Variants in MECOM observed in about 807,000 individuals in gnomAD.
MECOM encodes MDS1 and EVI1 complex locus.
MECOM carries 13 observed loss-of-function variants against 116.3 expected under a neutral mutation model. That is an observed-to-expected ratio of 0.11 (90% CI 0.07 to 0.18). The LOEUF is 0.18. Ranked by LOEUF, MECOM falls within the 10% of genes least tolerant of loss-of-function variation. The pLI, the probability that MECOM is intolerant of heterozygous loss-of-function variation, is 1.00. For missense variants in MECOM, 1,299 were observed against 1,509.0 expected (o/e 0.86, Z 2.31); for synonymous variants, 528 against 535.2 (o/e 0.99, Z 0.19).
At chr3:169,192,519 A>G (rs1011686141) in intron 2 of MECOM, among the ~76,000 whole-genome samples, 9 of 152,174 alleles carry the variant, frequency 5.9e-5, no homozygotes, top group African/African-American at 2.2e-4. Context: ...AGCCTAGTAG[A>G]AAGTATTACT....
At chr3:169,574,145 C>T (rs1348308707) in intron 1 of MECOM, among the ~76,000 whole-genome samples, 1 of 151,994 alleles carries the variant, frequency 6.6e-6, no homozygotes, top group Admixed American at 6.6e-5. Flanking sequence ...ACCTGAAAAG[C>T]CTTGGGGACA....
chr3:169,378,533 A>T (rs1731767896), intron 2 of MECOM, among the ~76,000 whole-genome samples: 1 of 96,058 alleles, frequency 1.0e-5, no homozygotes, highest in Non-Finnish European at 2.1e-5. Flanking sequence ...AAAGAAAGAA[A>T]GAAAGAAAGA....
chr3:169,231,182 T>A (rs1185218634), intron 2 of MECOM, among the ~76,000 whole-genome samples: 1 of 152,176 alleles, frequency 6.6e-6, no homozygotes, highest in Non-Finnish European at 1.5e-5. Context: ...GTCTATTGAA[T>A]AAAATTGGAA....
chr3:169,197,933 C>A (rs1454959474), intron 2 of MECOM, among the ~76,000 whole-genome samples: 1 of 151,920 alleles, frequency 6.6e-6, no homozygotes, highest in African/African-American at 2.4e-5. Flanking sequence ...TAATTGGAGG[C>A]AGAGGTAAAG....
chr3:169,229,627 C>T (rs1377408931), intron 2 of MECOM, among the ~76,000 whole-genome samples: 2 of 151,992 alleles, frequency 1.3e-5, no homozygotes, highest in Non-Finnish European at 2.9e-5. Context: ...TGGCCCTGGT[C>T]CCCTCCTGCA....
At chr3:169,143,673 A>G in intron 3 of MECOM, 25 bp downstream of exon 3, 3 of 1,547,894 alleles carry the variant, frequency 1.9e-6, no homozygotes, top group Non-Finnish European at 2.6e-6. Flanking sequence ...TCTCAAGGAA[A>G]GACAAGAAAA....
chr3:169,160,127 T>C (rs980204872), intron 2 of MECOM, among the ~76,000 whole-genome samples: 11 of 152,138 alleles, frequency 7.2e-5, no homozygotes, highest in African/African-American at 2.7e-4. Flanking sequence ...TATTTTCTGG[T>C]CACTCAGGCA....
intron 1 of MECOM, among the ~76,000 whole-genome samples, chr3:169,600,262 G>A (rs895054348): frequency 9.9e-5 from 15 of 152,042 alleles, no homozygotes; most frequent in East Asian, 3.9e-4. Context: ...ATGAGCCACC[G>A]TGCCCAGCCA....
chr3:169,192,808 C>T (rs1203154073), intron 2 of MECOM, among the ~76,000 whole-genome samples: 1 of 152,014 alleles, frequency 6.6e-6, no homozygotes, highest in Non-Finnish European at 1.5e-5. Context: ...TTATTGTTAC[C>T]TACATAGTTA....
In MECOM at chr3:169,544,266, T is replaced by C. The variant is rs571704539; in HGVS notation, c.37+119070A>G. On this transcript the variant is annotated intron_variant, in intron 1 of 16. Coordinates refer to ENST00000651503, the MANE Select transcript of MECOM (RefSeq NM_004991.4). The stretch of plus-strand genomic sequence containing the variant: ...TGAGTAAAGCAGTGCCTGGCACATA[T>C]GCACCCAATAAATGTTAGCTGCCAT... Among the ~76,000 whole-genome samples, 8 of 152,240 alleles carry C rather than the reference T, an allele frequency of 5.3e-5. No individual in the cohort carries two copies. The East Asian group carries it at 7.7e-4, about 15-fold the overall frequency.
intron 1 of MECOM, among the ~76,000 whole-genome samples, chr3:169,565,427 G>C (rs1233372321): frequency 6.6e-6 from 1 of 152,132 alleles, no homozygotes. Context: ...CTCACTCACT[G>C]TCTTCTCACC....
chr3:169,301,092 C>T (rs1403081755), intron 2 of MECOM, among the ~76,000 whole-genome samples: 1 of 152,130 alleles, frequency 6.6e-6, no homozygotes, highest in Non-Finnish European at 1.5e-5. Context: ...TGTTAGTTGG[C>T]TAATGTGGAA....
intron 2 of MECOM, among the ~76,000 whole-genome samples, chr3:169,364,807 A>G (rs1161360334): frequency 2.0e-5 from 3 of 151,912 alleles, no homozygotes; most frequent in Non-Finnish European, 2.9e-5. Context: ...TCTTACTTAC[A>G]TTTACCAAAT....
In MECOM at chr3:169,221,738, T is replaced by A. The variant is rs957467226; in HGVS notation, c.376-77906A>T. Reference sequence around the variant, plus strand: ...AAGAACTGGTAAAATAGAAAAAAAATCACTTAAATTGCTTGCATTCATTTA... The same window carrying A: ...AAGAACTGGTAAAATAGAAAAAAAAACACTTAAATTGCTTGCATTCATTTA... On this transcript the variant is annotated intron_variant, in intron 2 of 16. Coordinates refer to ENST00000651503, the MANE Select transcript of MECOM (RefSeq NM_004991.4). Among the ~76,000 whole-genome samples, 5 of 152,100 alleles carry A rather than the reference T, an allele frequency of 3.3e-5. No individual in the cohort carries two copies. In the East Asian group the frequency reaches 9.7e-4, roughly 29 times the overall value.
intron 2 of MECOM, among the ~76,000 whole-genome samples, chr3:169,356,125 A>G (rs1352089012): frequency 6.6e-6 from 1 of 151,858 alleles, no homozygotes; most frequent in African/African-American, 2.4e-5. Context: ...AAATGAAGAA[A>G]ATTCACTCCT....
chr3:169,381,383 T>G lies in MECOM; in HGVS notation c.179A>C (p.Glu60Ala), dbSNP rs369826375. 1.2e-4 allele frequency: 189 copies of G among 1,613,790 alleles called. No homozygotes were observed. Among genetic ancestry groups the G allele is most frequent in the Non-Finnish European group, 1.5e-4 (182 of 1,179,824 alleles). Residue 60 changes from glutamate (E) to alanine (A), a missense_variant, in exon 2 of 17, where the codon GAG becomes GCG. Transcript: ENST00000651503. ...GATGGGGGCTTTGTAAGGAGAACCCTCCTTTGGAGTGAATGCTTCACTGGA... is the reference window on the plus strand; with the variant it reads ...GATGGGGGCTTTGTAAGGAGAACCCGCCTTTGGAGTGAATGCTTCACTGGA... ...ATSSEAFTPK[E>A]GSPYKAPIYI...
intron 3 of MECOM, chr3:169,133,382 A>G (rs977268081): frequency 6.6e-6 from 1 of 152,362 alleles, no homozygotes; most frequent in East Asian, 1.9e-4. Context: ...CTAAAGTCCA[A>G]TTGTTTATTT....
intron 2 of MECOM, among the ~76,000 whole-genome samples, chr3:169,362,191 AG>A (rs1420746172): frequency 6.6e-6 from 1 of 151,912 alleles, no homozygotes; most frequent in Admixed American, 6.6e-5. Flanking sequence ...ATTATTTTGG[AG>A]GTTTTGTTTA....
At chr3:169,220,299 C>T (rs1751969328) in intron 2 of MECOM, among the ~76,000 whole-genome samples, 1 of 152,088 alleles carries the variant, frequency 6.6e-6, no homozygotes. Context: ...CAGAGTGAAA[C>T]TCTGTCTCAA....
Sources: allele counts gnomAD v4.1 joint callset (sites outside exome capture counted in the v4.1 genomes callset), GRCh38; gene constraint gnomAD v4.1.1; transcripts MANE v1.5; gene names NCBI Gene and HGNC (gene_info 2026-07-23, HGNC 2026-07-21).